NRCAM: variants seen among roughly 807,000 people sequenced by gnomAD.
NRCAM encodes NgCAM-related cell adhesion molecule.
A neutral mutation model predicts 156.5 loss-of-function variants in NRCAM; 83 were observed. The ratio of observed to expected loss-of-function variants is 0.53; its 90% CI spans 0.44 to 0.64. NRCAM has a LOEUF of 0.64. NRCAM is among the 30% of genes least tolerant of loss of function. The probability of loss-of-function intolerance (pLI) is 0.00; values close to 1 mark genes in which losing one functional copy is unlikely to be tolerated. For missense variants in NRCAM, 1,417 were observed against 1,597.3 expected (o/e 0.89, Z 1.92); for synonymous variants, 538 against 563.9 (o/e 0.95, Z 0.65).
chr7:108,377,368 A>G (rs1221257879), intron 2 of NRCAM, among the ~76,000 whole-genome samples: 3 of 152,190 alleles, frequency 2.0e-5, no homozygotes, highest in Admixed American at 1.3e-4. Context: ...GCATATGAAA[A>G]TAATAATTAA....
At chr7:108,192,024 A>C (rs879482138) in intron 17 of NRCAM, among the ~76,000 whole-genome samples, 171 bp from the exon 18 acceptor site, 1 of 152,244 alleles carries the variant, frequency 6.6e-6, no homozygotes, top group Non-Finnish European at 1.5e-5. Context: ...GTTGAAAAAC[A>C]ATGAGAATCA....
Position 108,390,873 on chromosome 7 carries a change from T to C in NRCAM, c.-174+8563A>G, listed in dbSNP as rs556020350. On this transcript the variant is annotated intron_variant, in intron 2 of 32. Coordinates refer to ENST00000379028, the MANE Select transcript of NRCAM (RefSeq NM_001037132.4). Reference sequence around the variant, plus strand: ...AGCAGGTTGTTCAGTTTCCATGTAGTTGAGCAGTTTTGAATGAGTTTCTTA... The same window carrying C: ...AGCAGGTTGTTCAGTTTCCATGTAGCTGAGCAGTTTTGAATGAGTTTCTTA... 2.0e-5 allele frequency among the ~76,000 whole-genome samples: 3 copies of C among 152,054 alleles called. No individual in the cohort carries two copies. In the South Asian group the frequency reaches 6.3e-4, roughly 32 times the overall value.
At chr7:108,359,869 C>A (rs763789375) in intron 2 of NRCAM, among the ~76,000 whole-genome samples, 19 of 152,204 alleles carry the variant, frequency 1.2e-4, no homozygotes, top group Middle Eastern at 3.4e-3. Flanking sequence ...AAATCTGCTC[C>A]CCTCCCATTC....
intron 32 of NRCAM, among the ~76,000 whole-genome samples, chr7:108,158,369 T>C (rs1379583948): frequency 6.6e-6 from 1 of 152,292 alleles, no homozygotes; most frequent in Middle Eastern, 3.4e-3. Flanking sequence ...TGGAAAATGA[T>C]ATGAAAATGA....
intron 11 of NRCAM, among the ~76,000 whole-genome samples, chr7:108,213,938 G>A (rs1007025655): frequency 4.6e-5 from 7 of 152,174 alleles, no homozygotes; most frequent in African/African-American, 1.7e-4. Flanking sequence ...GCATCCCAGG[G>A]ATGAAGCCGA....
chr7:108,189,726 C>A lies in NRCAM; in HGVS notation c.1954G>T (p.Asp652Tyr). ...PVYDVPNPPF[D>Y]LELTDQLDKS... Reference sequence around the variant, plus strand: ...TCAAGTTGATCTGTCAGTTCTAAGTCAAAGGGAGGATTTGGGACATCTGTA... The same window carrying A: ...TCAAGTTGATCTGTCAGTTCTAAGTAAAAGGGAGGATTTGGGACATCTGTA... Residue 652 changes from aspartate to tyrosine, a missense_variant, in exon 20 of 33, where the codon GAC becomes TAC. Asp to Tyr is a radical substitution (Grantham distance 160). Coordinates refer to ENST00000379028, the MANE Select transcript of NRCAM (RefSeq NM_001037132.4). The A allele has an allele frequency of 6.6e-7, 1 of 1,514,340 alleles. No homozygotes were observed. The highest frequency in any genetic ancestry group is 1.1e-5 in the South Asian group (1 of 87,634). The allele number at this position is 1,514,340 out of a possible 1,614,324, so 93.8% of individuals were successfully genotyped here.
intron 2 of NRCAM, among the ~76,000 whole-genome samples, chr7:108,372,803 A>G (rs549569125): frequency 6.6e-6 from 1 of 152,250 alleles, no homozygotes; most frequent in African/African-American, 2.4e-5. Flanking sequence ...TTCCTCAAAA[A>G]ATTAAAAATA....
At position 108,194,403 on chromosome 7, in the gene NRCAM, G is replaced by C. The variant is rs2153461945; in HGVS notation, c.1489C>G (p.Leu497Val). Residue 497 changes from leucine to valine, a missense_variant, in exon 16 of 33, where the codon CTT (leucine) becomes GTT (valine). Around this residue, in one of 2 missense-constraint regions of NRCAM, gnomAD observed 1,238 missense variants for 1,336.4 expected, o/e 0.93. Transcript: ENST00000379028. ...TGTAAAACATAAATATCTTCATGAA[G>C]AGCACTTCCTTTAGCTCCTTTAAAC... ...EWFKGAKGSA[L>V]HEDIYVLHEN... The C allele has an allele frequency of 6.2e-7, 1 of 1,608,516 alleles. No individual in the cohort carries two copies. Among genetic ancestry groups the C allele is most frequent in the Middle Eastern group, 1.7e-4 (1 of 6,032 alleles).
At chr7:108,392,949 A>C (rs1354197113) in intron 2 of NRCAM, among the ~76,000 whole-genome samples, 1 of 152,100 alleles carries the variant, frequency 6.6e-6, no homozygotes, top group Admixed American at 6.5e-5. Flanking sequence ...AGGGGTACCC[A>C]GCCGTGTGGG....
chr7:108,404,908 C>G (rs560580315), intron 1 of NRCAM, among the ~76,000 whole-genome samples: 1 of 152,280 alleles, frequency 6.6e-6, no homozygotes, highest in African/African-American at 2.4e-5. Flanking sequence ...AACAGTGAGA[C>G]TTTTCTTCTC....
intron 5 of NRCAM, among the ~76,000 whole-genome samples, chr7:108,235,568 A>C (rs2094871878): frequency 6.6e-6 from 1 of 152,160 alleles, no homozygotes; most frequent in Non-Finnish European, 1.5e-5. Flanking sequence ...GCAGAGACCT[A>C]AACTCTCTCA....
Position 108,316,396 on chromosome 7 carries a change from C to T in NRCAM, c.-173-3665G>A, listed in dbSNP as rs533565090. ...TACATTTATTTTCCTTATAAATTAC[C>T]TAGTCTATAGTACTCTGTTGCACAA... On this transcript the variant is annotated intron_variant, in intron 2 of 32. Transcript: ENST00000379028. 9.8e-4 allele frequency among the ~76,000 whole-genome samples: 149 copies of T among 152,186 alleles called. 3 individuals are homozygous for T. The highest frequency in any genetic ancestry group is 3.5e-3 in the African/African-American group (147 of 41,564).
chr7:108,167,039 A>G lies in NRCAM; in HGVS notation c.3348T>C (p.Gly1116=). The G allele has an allele frequency of 1.2e-6, 2 of 1,613,864 alleles. No homozygotes were observed. The highest frequency in any genetic ancestry group is 1.7e-6 in the Non-Finnish European group (2 of 1,179,810). Residue 1116 remains glycine (G), a synonymous_variant, in exon 30 of 33, where the codon GGT becomes GGC. Transcript: ENST00000379028. The stretch of plus-strand genomic sequence containing the variant: ...CCTTTAACCCAAAGAAGCTCCGAGA[A>G]CCATTTACAATTTCTTTTCTCCATT... ...KEEWRKEIVN[G]SRSFFGLKGL...
intron 3 of NRCAM, among the ~76,000 whole-genome samples, chr7:108,268,637 G>GGGGGGGGGGGTA (rs2097209664): frequency 2.1e-5 from 1 of 48,590 alleles, no homozygotes; most frequent in Admixed American, 2.2e-4. Context: ...GGGGGGGGTT[G>GGGGGGGGGGGTA]GGGGGGGCGG....
At chr7:108,244,617 T>C (rs2095781651) in intron 3 of NRCAM, among the ~76,000 whole-genome samples, 1 of 152,150 alleles carries the variant, frequency 6.6e-6, no homozygotes, top group Non-Finnish European at 1.5e-5. Context: ...ACACAATCAT[T>C]AATGCACCTC....
At chr7:108,349,446 T>C (rs2099395691) in intron 2 of NRCAM, among the ~76,000 whole-genome samples, 1 of 151,866 alleles carries the variant, frequency 6.6e-6, no homozygotes, top group Non-Finnish European at 1.5e-5. Flanking sequence ...TTTTTTGTAT[T>C]TTTAGTAGAG....
chr7:108,319,246 A>G (rs1221194657), intron 2 of NRCAM, among the ~76,000 whole-genome samples: 2 of 152,220 alleles, frequency 1.3e-5, no homozygotes, highest in African/African-American at 4.8e-5. Context: ...AATTCAACTT[A>G]TACCCTAAAT....
chr7:108,393,815 C>T (rs2099769175), intron 2 of NRCAM, among the ~76,000 whole-genome samples: 1 of 152,182 alleles, frequency 6.6e-6, no homozygotes, highest in Non-Finnish European at 1.5e-5. Context: ...TATCACAGTA[C>T]TATGAAGATA....
intron 2 of NRCAM, among the ~76,000 whole-genome samples, chr7:108,350,775 T>C (rs960269211): frequency 1.3e-5 from 2 of 152,340 alleles, no homozygotes; most frequent in Middle Eastern, 3.4e-3. Context: ...CTTCTATCTT[T>C]TTAAATGATT....
Sources: allele counts gnomAD v4.1 joint callset (sites outside exome capture counted in the v4.1 genomes callset), GRCh38; gene constraint gnomAD v4.1.1; regional missense constraint gnomAD v4.1.1; transcripts MANE v1.5; gene names NCBI Gene and HGNC (gene_info 2026-07-23, HGNC 2026-07-21).